CSNK1G1: variants seen among roughly 807,000 people sequenced by gnomAD.
CSNK1G1 encodes the protein casein kinase I isoform gamma-1.
In CSNK1G1, 22 loss-of-function variants were observed where a neutral mutation model predicts 59.6. The observed-to-expected ratio is 0.37, with a 90% CI of 0.26 to 0.53. CSNK1G1 has a LOEUF of 0.53. CSNK1G1 is among the 20% of genes least tolerant of loss of function. The pLI is 0.89. For synonymous variants in CSNK1G1, 179 were observed against 177.1 expected, an observed-to-expected ratio of 1.01 and a Z score of -0.08; for missense variants, 384 against 519.5, an observed-to-expected ratio of 0.74 and a Z score of 2.54.
At chr15:64,194,145 T>A (rs569894661) in intron 10 of CSNK1G1, 7 of 151,400 alleles carry the variant, frequency 4.6e-5, no homozygotes, top group African/African-American at 1.7e-4. Flanking sequence ...GCTGTGGCCA[T>A]CCTGTGGCCA....
At chr15:64,205,264 A>C (rs575788121) in intron 7 of CSNK1G1, among the ~76,000 whole-genome samples, 43 of 152,334 alleles carry the variant, frequency 2.8e-4, no homozygotes, top group Middle Eastern at 3.4e-3. Flanking sequence ...AAATTGCAGA[A>C]GCTTAGTAAT....
rs1444720425 is a variant in CSNK1G1 at position 64,331,860 on chromosome 15, G to A, written c.-225+24128C>T. On this transcript the variant is annotated intron_variant, in intron 1 of 11. Transcript: ENST00000303052. ...AAAACAACCCCATCAAAAAGTGGGCGAAGGACATGAACAGACACTTCTCAA... is the reference window on the plus strand; with the variant it reads ...AAAACAACCCCATCAAAAAGTGGGCAAAGGACATGAACAGACACTTCTCAA... Among the ~76,000 whole-genome samples, 607 of 148,390 alleles carry A rather than the reference G, an allele frequency of 4.1e-3. 1 individual carries two copies. The highest frequency in any genetic ancestry group is 7.5e-3 in the Non-Finnish European group (497 of 66,292).
intron 2 of CSNK1G1, among the ~76,000 whole-genome samples, chr15:64,273,899 T>C (rs1893464049): frequency 1.3e-5 from 2 of 152,070 alleles, no homozygotes; most frequent in African/African-American, 4.8e-5. Context: ...GTTAGGAGAG[T>C]AAACAATATC....
At chr15:64,348,921 CAGG>C (rs1050728558) in intron 1 of CSNK1G1, among the ~76,000 whole-genome samples, 1 of 152,096 alleles carries the variant, frequency 6.6e-6, no homozygotes, top group African/African-American at 2.4e-5. Context: ...CACCTGAGGT[CAGG>C]AGTTCGAGAC....
At chr15:64,172,342 T>C (rs1596042743) in intron 11 of CSNK1G1, among the ~76,000 whole-genome samples, 3 of 152,260 alleles carry the variant, frequency 2.0e-5, no homozygotes, top group Middle Eastern at 3.4e-3. Context: ...CAGGGCTGCA[T>C]AAAAATAGTC....
intron 4 of CSNK1G1, among the ~76,000 whole-genome samples, chr15:64,225,181 G>C (rs2082442523): frequency 6.6e-6 from 1 of 151,580 alleles, no homozygotes; most frequent in Non-Finnish European, 1.5e-5. Flanking sequence ...GCTAATTTTT[G>C]CATTTTTAGT....
chr15:64,325,173 T>C (rs184502711), intron 1 of CSNK1G1, among the ~76,000 whole-genome samples: 4 of 152,200 alleles, frequency 2.6e-5, no homozygotes, highest in Admixed American at 6.5e-5. Context: ...TACACAGTAA[T>C]AGAAGTATAT....
rs1319594813 is a variant in CSNK1G1 at position 64,216,694 on chromosome 15, C to T, written c.312G>A (p.Val104=). ...LGSAGEGLPQ[V]YYFGPCGKYN... is the part of the protein sequence containing the mutation. ...ATTTCCCACATGGTCCAAAGTAATACACCTGTGGGAGACCTTCACCTGAAA... is the reference window on the plus strand; with the variant it reads ...ATTTCCCACATGGTCCAAAGTAATATACCTGTGGGAGACCTTCACCTGAAA... Residue 104 remains valine, a synonymous_variant, in exon 5 of 12, where the codon GTG becomes GTA. Coordinates refer to ENST00000303052, the MANE Select transcript of CSNK1G1 (RefSeq NM_022048.5). This position sits in a 1 kb window ranked among gnomAD's most constrained non-coding sequence, Gnocchi z 4.6. 2 of 1,614,142 alleles carry T rather than the reference C, an allele frequency of 1.2e-6. No homozygotes were observed. The highest frequency in any genetic ancestry group is 1.7e-6 in the Non-Finnish European group (2 of 1,179,988).
chr15:64,292,209 CAA>C (rs771506245), intron 2 of CSNK1G1, among the ~76,000 whole-genome samples: 11 of 55,164 alleles, frequency 2.0e-4, no homozygotes, highest in African/African-American at 4.1e-4. Flanking sequence ...GACTCCGTCA[CAA>C]AAAAAAAAAA....
At chr15:64,316,426 C>T (rs1896266618) in intron 1 of CSNK1G1, among the ~76,000 whole-genome samples, 1 of 150,220 alleles carries the variant, frequency 6.7e-6, no homozygotes, top group Non-Finnish European at 1.5e-5. Flanking sequence ...GTCCCAGCTA[C>T]TTGGGAGGCT....
At chr15:64,261,923 C>A (rs1226633040) in intron 2 of CSNK1G1, among the ~76,000 whole-genome samples, 3 of 119,114 alleles carry the variant, frequency 2.5e-5, no homozygotes, top group African/African-American at 1.0e-4. Flanking sequence ...GCCTGGGCAA[C>A]AGAGCAAGAC....
At chr15:64,271,554 G>T (rs1464317772) in intron 2 of CSNK1G1, among the ~76,000 whole-genome samples, 2 of 152,210 alleles carry the variant, frequency 1.3e-5, no homozygotes, top group Non-Finnish European at 2.9e-5. Flanking sequence ...CTCCCAAAGT[G>T]CTGGGATTAC....
chr15:64,342,457 G>A (rs901586452), intron 1 of CSNK1G1: 4 of 152,152 alleles, frequency 2.6e-5, no homozygotes, highest in Non-Finnish European at 2.9e-5. Flanking sequence ...ACATCCACTA[G>A]ATTATGTCTG....
chr15:64,324,655 T>C (rs1254719904), intron 1 of CSNK1G1, among the ~76,000 whole-genome samples: 2 of 152,242 alleles, frequency 1.3e-5, no homozygotes, highest in Non-Finnish European at 2.9e-5. Flanking sequence ...AGATGGCCTA[T>C]GGTGAGTCTT....
chr15:64,336,186 TA>T (rs1897380427), intron 1 of CSNK1G1, among the ~76,000 whole-genome samples: 1 of 152,282 alleles, frequency 6.6e-6, no homozygotes, highest in South Asian at 2.1e-4. Flanking sequence ...TAAACAAATG[TA>T]AAATTGAATT....
chr15:64,243,293 G>A (rs778608855), intron 4 of CSNK1G1, among the ~76,000 whole-genome samples: 1 of 151,740 alleles, frequency 6.6e-6, no homozygotes, highest in Non-Finnish European at 1.5e-5. Context: ...CCAAGATTGC[G>A]CCACTGCACT....
chr15:64,204,568 C>A lies in CSNK1G1; in HGVS notation c.872G>T (p.Arg291Leu). 6.2e-7 allele frequency: 1 copy of A among 1,613,760 alleles called. No individual in the cohort carries two copies. Among genetic ancestry groups the A allele is most frequent in the South Asian group, 1.1e-5 (1 of 91,006 alleles). ...AAAGAAGTCCAGTCGCCTGACATATCGAAGGTAGGTTGCCATCTCCTCTGT... is the reference window on the plus strand; with the variant it reads ...AAAGAAGTCCAGTCGCCTGACATATAGAAGGTAGGTTGCCATCTCCTCTGT... The part of the protein sequence containing the change: ...NFPEEMATYL[R>L]YVRRLDFFEK... Residue 291 changes from arginine (R) to leucine (L), a missense_variant, in exon 9 of 12, where the codon CGA (arginine) becomes CTA (leucine). Physicochemically the swap from Arg to Leu is moderately radical, Grantham distance 102. Transcript: ENST00000303052.
At chr15:64,223,489 T>C (rs1368266636) in intron 4 of CSNK1G1, among the ~76,000 whole-genome samples, 1 of 152,162 alleles carries the variant, frequency 6.6e-6, no homozygotes, top group East Asian at 1.9e-4. Context: ...ATCAATGGTA[T>C]ATTGGAAACT....
At chr15:64,185,360 G>A (rs1402082494) in intron 10 of CSNK1G1, among the ~76,000 whole-genome samples, 1 of 152,148 alleles carries the variant, frequency 6.6e-6, no homozygotes, top group Non-Finnish European at 1.5e-5. Flanking sequence ...AATCTGGTTT[G>A]CAAAAGGTAT....
Sources: gnomAD v4.1 joint callset for allele counts (sites outside exome capture counted in the v4.1 genomes callset) on GRCh38, gnomAD v4.1.1 for gene constraint, Gnocchi (gnomAD v3.1) non-coding constraint, MANE v1.5 for transcripts, NCBI Gene and HGNC (gene_info 2026-07-23, HGNC 2026-07-21) for gene names.